SLC24A2: variants seen among roughly 807,000 people sequenced by gnomAD.
SLC24A2 encodes solute carrier family 24 member 2.
In SLC24A2, 36 loss-of-function variants were observed where a neutral mutation model predicts 62.0. The ratio of observed to expected loss-of-function variants is 0.58; its 90% CI spans 0.44 to 0.77. The LOEUF is 0.77. Ranked by LOEUF, SLC24A2 falls within the 30% of genes least tolerant of loss-of-function variation. The probability of loss-of-function intolerance (pLI) is 0.00; values close to 1 mark genes in which losing one functional copy is unlikely to be tolerated. For missense variants in SLC24A2, 846 were observed against 817.9 expected, an observed-to-expected ratio of 1.03 and a Z score of -0.42; for synonymous variants, 358 against 294.0, an observed-to-expected ratio of 1.22 and a Z score of -2.23.
chr9:19,711,393 T>C (rs535691817), intron 2 of SLC24A2, among the ~76,000 whole-genome samples: 3 of 152,318 alleles, frequency 2.0e-5, no homozygotes, highest in African/African-American at 7.2e-5. Context: ...TCCTCAATAA[T>C]GCTTAAGAGT....
At chr9:20,114,713 G>C in the SLC24A2 span, among the ~76,000 whole-genome samples, 29 of 152,158 alleles carry the variant, frequency 1.9e-4, no homozygotes, top group Non-Finnish European at 2.8e-4. Flanking sequence ...CCAACCAGTG[G>C]GGTCACGCCC....
At chr9:20,003,042 T>C in the SLC24A2 span, among the ~76,000 whole-genome samples, 1 of 152,196 alleles carries the variant, frequency 6.6e-6, no homozygotes, top group Admixed American at 6.5e-5. Flanking sequence ...GCCCCATAAA[T>C]GATAAATCTG....
chr9:20,073,821 T>A, the SLC24A2 span, among the ~76,000 whole-genome samples: 4 of 150,996 alleles, frequency 2.6e-5, no homozygotes, highest in East Asian at 7.8e-4. Context: ...TATATGTGCA[T>A]AATACTAATA....
At chr9:19,606,334 A>T (rs1836983010) in intron 4 of SLC24A2, among the ~76,000 whole-genome samples, 1 of 152,216 alleles carries the variant, frequency 6.6e-6, no homozygotes, top group Non-Finnish European at 1.5e-5. Flanking sequence ...ACTGGTTGTT[A>T]TGGTCTCAGG....
the SLC24A2 span, among the ~76,000 whole-genome samples, chr9:19,846,687 T>C: frequency 6.6e-6 from 1 of 152,172 alleles, no homozygotes; most frequent in African/African-American, 2.4e-5. Context: ...GCTATGTATT[T>C]AAGTGTGTTC....
chr9:19,754,837 T>G, intron 2 of SLC24A2, among the ~76,000 whole-genome samples: 1 of 151,984 alleles, frequency 6.6e-6, no homozygotes, highest in East Asian at 1.9e-4. Context: ...CAGAAGCAGC[T>G]CTCTTCAGGC....
At chr9:19,898,130 G>T in the SLC24A2 span, among the ~76,000 whole-genome samples, 1 of 152,192 alleles carries the variant, frequency 6.6e-6, no homozygotes, top group Non-Finnish European at 1.5e-5. Flanking sequence ...ACTAGTGCCT[G>T]GAGTGAATCA....
At chr9:19,522,482 A>T (rs763875866) in intron 9 of SLC24A2, among the ~76,000 whole-genome samples, 6 of 152,094 alleles carry the variant, frequency 3.9e-5, no homozygotes, top group Non-Finnish European at 5.9e-5. Context: ...AATAGAATAC[A>T]CTCATTTCTA....
chr9:19,895,860 G>A, the SLC24A2 span: 1 of 1,611,406 alleles, frequency 6.2e-7, no homozygotes, highest in Non-Finnish European at 8.5e-7. Flanking sequence ...CAGCAAAGAA[G>A]GGGTGCAGCA....
the SLC24A2 span, among the ~76,000 whole-genome samples, chr9:20,154,359 A>G: frequency 6.6e-6 from 1 of 151,818 alleles, no homozygotes; most frequent in Non-Finnish European, 1.5e-5. Context: ...TCTGGATTCA[A>G]TGGAGCACTT....
Position 19,511,712 on chromosome 9 carries a change from C to G in SLC24A2, c.*4441G>C, listed in dbSNP as rs1832723604. On this transcript the variant is annotated 3_prime_UTR_variant, in exon 11 of 11. Coordinates refer to ENST00000341998, the MANE Select transcript of SLC24A2 (RefSeq NM_020344.4). Reference sequence around the variant, plus strand: ...GAGTGAGCACTGACTTCTATGCATGCTTTCAGGAGACAGTAGTTTTCTCCA... The same window carrying G: ...GAGTGAGCACTGACTTCTATGCATGGTTTCAGGAGACAGTAGTTTTCTCCA... 6.6e-6 allele frequency: 1 copy of G among 152,200 alleles called. No individual in the cohort carries two copies. Among genetic ancestry groups the G allele is most frequent in the Non-Finnish European group, 1.5e-5 (1 of 68,032 alleles). The allele number at this position is 152,200 out of a possible 1,614,324, so 9.4% of individuals were successfully genotyped here. A position where few individuals can be genotyped will look rare whatever the true frequency, so the allele number is the denominator to read the frequency against.
At chr9:20,057,485 G>C in the SLC24A2 span, among the ~76,000 whole-genome samples, 1 of 152,146 alleles carries the variant, frequency 6.6e-6, no homozygotes, top group Non-Finnish European at 1.5e-5. Context: ...GTCAGAGTTG[G>C]AGCTGTGGCT....
intron 2 of SLC24A2, among the ~76,000 whole-genome samples, chr9:19,735,707 A>G (rs1034937130): frequency 1.3e-5 from 2 of 152,192 alleles, no homozygotes; most frequent in Non-Finnish European, 2.9e-5. Flanking sequence ...TGTCCTTTGT[A>G]GGGACATGGA....
intron 9 of SLC24A2, among the ~76,000 whole-genome samples, chr9:19,526,974 A>G (rs542204044): frequency 6.6e-6 from 1 of 152,276 alleles, no homozygotes; most frequent in South Asian, 2.1e-4. Flanking sequence ...CAGCTTTACA[A>G]ACTCTTACAT....
the SLC24A2 span, among the ~76,000 whole-genome samples, chr9:20,240,509 G>C: frequency 1.9e-4 from 29 of 152,356 alleles, no homozygotes; most frequent in East Asian, 4.6e-3. Context: ...TAAAAGTCAA[G>C]AGTAAGAAGT....
the SLC24A2 span, among the ~76,000 whole-genome samples, chr9:19,832,065 C>T: frequency 1.3e-5 from 2 of 152,164 alleles, no homozygotes; most frequent in Non-Finnish European, 2.9e-5. Context: ...CACATCTTTG[C>T]CTGTCTGTAC....
chr9:20,269,079 A>G, the SLC24A2 span, among the ~76,000 whole-genome samples: 1 of 152,192 alleles, frequency 6.6e-6, no homozygotes, highest in Admixed American at 6.5e-5. Context: ...TTTAAAAGTG[A>G]CCTCAATGGA....
the SLC24A2 span, among the ~76,000 whole-genome samples, chr9:20,292,011 T>A: frequency 6.6e-6 from 1 of 152,048 alleles, no homozygotes; most frequent in Non-Finnish European, 1.5e-5. Flanking sequence ...GGTGGAAAAT[T>A]GGGTCAAATC....
chr9:19,928,206 G>A, the SLC24A2 span: 1 of 152,272 alleles, frequency 6.6e-6, no homozygotes. Context: ...CCAAACCCTT[G>A]ATACCTTCTA....
Sources: allele counts gnomAD v4.1 joint callset (sites outside exome capture counted in the v4.1 genomes callset), GRCh38; gene constraint gnomAD v4.1.1; transcripts MANE v1.5; gene names NCBI Gene and HGNC (gene_info 2026-07-23, HGNC 2026-07-21).